NFYC: variants seen among roughly 807,000 people sequenced by gnomAD.
The protein encoded by NFYC is CAAT box DNA-binding protein subunit C.
NFYC carries 25 observed loss-of-function variants against 53.1 expected under a neutral mutation model. That is an observed-to-expected ratio of 0.47 (90% CI 0.34 to 0.66). The LOEUF is 0.66. NFYC is among the 30% of genes least tolerant of loss of function. The pLI is 0.01. For missense variants in NFYC, 260 were observed against 422.7 expected (o/e 0.62, Z 3.38); for synonymous variants, 145 against 152.6 (o/e 0.95, Z 0.37).
chr1:40,695,937 C>T (rs1168418488), intron 1 of NFYC, among the ~76,000 whole-genome samples: 3 of 151,628 alleles, frequency 2.0e-5, no homozygotes, highest in Non-Finnish European at 2.9e-5. Context: ...CTCATTTTTA[C>T]GTGTGAGGAA....
rs59262338 is a variant in NFYC at position 40,748,897 on chromosome 1, G to A, written c.178-676G>A. ...GTTAAGTGACTCACCCAGAGTGATAGGACCAAGATCCCATTTCCCATCTGC... is the reference window on the plus strand; with the variant it reads ...GTTAAGTGACTCACCCAGAGTGATAAGACCAAGATCCCATTTCCCATCTGC... On this transcript the variant is annotated intron_variant, in intron 3 of 9. Coordinates refer to ENST00000447388, the MANE Select transcript of NFYC (RefSeq NM_014223.5). Among the ~76,000 whole-genome samples the A allele has an allele frequency of 1.4e-3, 206 of 152,296 alleles. 2 individuals carry two copies. In the East Asian group the frequency reaches 0.022, roughly 16 times the overall value.
In NFYC at chr1:40,749,705, A is replaced by G. The variant is rs776434471; in HGVS notation, c.291+19A>G. Reference sequence around the variant, plus strand: ...TCTACAGGTATTATTGCAGACTTAGATTAGGAAAACTGGGGTAAGCAGCAG... The same window carrying G: ...TCTACAGGTATTATTGCAGACTTAGGTTAGGAAAACTGGGGTAAGCAGCAG... On this transcript the variant is annotated intron_variant, in intron 4 of 9. Coordinates refer to ENST00000447388, the MANE Select transcript of NFYC (RefSeq NM_014223.5). 2 of 1,602,882 alleles carry G rather than the reference A, an allele frequency of 1.2e-6. No homozygotes were observed.
intron 1 of NFYC, among the ~76,000 whole-genome samples, chr1:40,714,980 T>A (rs1644073655): frequency 6.6e-6 from 1 of 151,896 alleles, no homozygotes; most frequent in Non-Finnish European, 1.5e-5. Context: ...CTCGGCAGGC[T>A]GAGGCAGGAG....
intron 1 of NFYC, among the ~76,000 whole-genome samples, chr1:40,721,857 C>G (rs1252086777): frequency 6.6e-6 from 1 of 152,106 alleles, no homozygotes; most frequent in Non-Finnish European, 1.5e-5. Flanking sequence ...GCCACCGTTC[C>G]CAGCCCAAGG....
intron 1 of NFYC, among the ~76,000 whole-genome samples, chr1:40,697,321 T>C (rs1643202867): frequency 6.6e-6 from 1 of 152,220 alleles, no homozygotes; most frequent in Non-Finnish European, 1.5e-5. Context: ...CTCTGCAATA[T>C]ACAGTAAGAT....
chr1:40,761,153 T>C (rs1488712229), intron 6 of NFYC, among the ~76,000 whole-genome samples: 1 of 152,220 alleles, frequency 6.6e-6, no homozygotes, highest in Non-Finnish European at 1.5e-5. Context: ...CTCGGGAAAA[T>C]TGGGTTGATA....
In NFYC at chr1:40,770,298, A is replaced by G; in HGVS notation, c.889-411A>G. The G allele has an allele frequency of 8.8e-7, 1 of 1,136,580 alleles. No homozygotes were observed. The highest frequency in any genetic ancestry group is 1.6e-5 in the African/African-American group (1 of 64,106). 70.4% of individuals were successfully genotyped at this position (1,136,580 alleles called of 1,614,324 possible). ...TGAGAAAAGAAGGAGAGGAGGGGGTAATCCTACTGCCCCTGCCAGTGTAGA... is the reference window on the plus strand; with the variant it reads ...TGAGAAAAGAAGGAGAGGAGGGGGTGATCCTACTGCCCCTGCCAGTGTAGA... On this transcript the variant is annotated intron_variant, in intron 9 of 9. Coordinates refer to ENST00000447388, the MANE Select transcript of NFYC (RefSeq NM_014223.5). The surrounding 1 kb of genome is among the most constrained non-coding windows in gnomAD (Gnocchi z 5.3).
intron 1 of NFYC, among the ~76,000 whole-genome samples, chr1:40,726,179 G>A (rs922734910): frequency 2.6e-5 from 4 of 151,782 alleles, no homozygotes; most frequent in Admixed American, 6.6e-5. Context: ...GTGCAGTGGC[G>A]CCATCTCAGC....
intron 1 of NFYC, among the ~76,000 whole-genome samples, chr1:40,703,717 A>C (rs1383694498): frequency 6.6e-6 from 1 of 152,226 alleles, no homozygotes; most frequent in African/African-American, 2.4e-5. Context: ...GCTGCCTTCA[A>C]GAAGCCCTTC....
intron 1 of NFYC, among the ~76,000 whole-genome samples, chr1:40,733,509 G>C (rs747557200): frequency 4.0e-5 from 6 of 151,024 alleles, no homozygotes; most frequent in Non-Finnish European, 8.9e-5. Flanking sequence ...TAGAGAGAAA[G>C]AGTAGTTTAA....
intron 1 of NFYC, among the ~76,000 whole-genome samples, chr1:40,696,265 C>T (rs1341856465): frequency 7.9e-5 from 12 of 151,978 alleles, no homozygotes; most frequent in African/African-American, 1.7e-4. Context: ...CCTCGTGATC[C>T]GCCCTCTTCG....
intron 1 of NFYC, among the ~76,000 whole-genome samples, chr1:40,702,340 AC>A (rs1553150084): frequency 4.1e-5 from 5 of 123,082 alleles, no homozygotes; most frequent in African/African-American, 1.6e-4. Flanking sequence ...TATCTTCAGA[AC>A]TTTTTTTTTT....
At position 40,753,135 on chromosome 1, in the gene NFYC, C is replaced by T. The variant is rs6677066; in HGVS notation, c.292-16C>T. 19 of 1,592,480 alleles carry T rather than the reference C, an allele frequency of 1.2e-5. No homozygotes were observed. In the Admixed American group the frequency reaches 2.2e-4, roughly 18 times the overall value. On this transcript the variant is annotated splice_polypyrimidine_tract_variant and intron_variant, in intron 4 of 9. Transcript: ENST00000447388. Reference sequence around the variant, plus strand: ...CTCCCCAGGCTAATTTTTCACACCGCTCTTCTTTGTTACAGAGAAATGATA... The same window carrying T: ...CTCCCCAGGCTAATTTTTCACACCGTTCTTCTTTGTTACAGAGAAATGATA...
At chr1:40,696,684 C>G (rs1643164702) in intron 1 of NFYC, among the ~76,000 whole-genome samples, 1 of 152,202 alleles carries the variant, frequency 6.6e-6, no homozygotes, top group Admixed American at 6.5e-5. Context: ...GAGGACATTA[C>G]TAGGGTCACA....
At chr1:40,766,493 C>A in intron 7 of NFYC, 103 bp from the exon 8 acceptor site, 1 of 824,262 alleles carries the variant, frequency 1.2e-6, no homozygotes, top group Non-Finnish European at 1.9e-6. Flanking sequence ...CTTTGGAGGG[C>A]TTGAGGGGTA....
intron 5 of NFYC, among the ~76,000 whole-genome samples, chr1:40,756,369 G>A (rs1164677763): frequency 6.6e-6 from 1 of 152,182 alleles, no homozygotes; most frequent in Non-Finnish European, 1.5e-5. Flanking sequence ...TAATCATATT[G>A]AGGGTTAAAA....
At chr1:40,708,597 A>G (rs1307042408) in intron 1 of NFYC, among the ~76,000 whole-genome samples, 1 of 152,154 alleles carries the variant, frequency 6.6e-6, no homozygotes, top group Non-Finnish European at 1.5e-5. Context: ...CGCTAACTTC[A>G]TACATTACCT....
chr1:40,760,764 A>G (rs1646502316), intron 6 of NFYC, among the ~76,000 whole-genome samples: 1 of 151,998 alleles, frequency 6.6e-6, no homozygotes, highest in Admixed American at 6.6e-5. Flanking sequence ...TTCTCTGCTC[A>G]TTTTACTTAT....
chr1:40,692,987 A>G (rs1642918663), intron 1 of NFYC, among the ~76,000 whole-genome samples: 2 of 152,218 alleles, frequency 1.3e-5, no homozygotes, highest in African/African-American at 4.8e-5. Flanking sequence ...AAGCCACATT[A>G]GCAAATATTA....
Sources: allele counts gnomAD v4.1 joint callset (sites outside exome capture counted in the v4.1 genomes callset), GRCh38; gene constraint gnomAD v4.1.1; non-coding constraint Gnocchi (gnomAD v3.1); transcripts MANE v1.5; gene names NCBI Gene and HGNC (gene_info 2026-07-23, HGNC 2026-07-21).